The following ATP1B3 variants were observed in gnomAD, a reference collection of about 807,000 sequenced individuals.
ATP1B3 encodes ATPase Na+/K+ transporting subunit beta 3.
Under a neutral mutation model 30.2 loss-of-function variants are expected in ATP1B3, and 10 were observed. The observed-to-expected ratio is 0.33, with a 90% CI of 0.20 to 0.56. The LOEUF is 0.56. Among genes scored for constraint, ATP1B3 ranks in the 20% least tolerant of loss-of-function variants. ATP1B3 has a pLI of 0.90. For missense variants in ATP1B3, 238 were observed against 336.7 expected, an observed-to-expected ratio of 0.71 and a Z score of 2.29; for synonymous variants, 113 against 117.0, an observed-to-expected ratio of 0.97 and a Z score of 0.22.
intron 1 of ATP1B3, among the ~76,000 whole-genome samples, chr3:141,882,146 C>T (rs1007873914): frequency 2.0e-5 from 3 of 152,128 alleles, no homozygotes; most frequent in South Asian, 2.1e-4. Flanking sequence ...ATAGTAACAA[C>T]TTTTCCATGA....
chr3:141,922,097 T>C, intron 6 of ATP1B3, 34 bp downstream of exon 6: 1 of 1,318,070 alleles, frequency 7.6e-7, no homozygotes. Flanking sequence ...TGGTGATTAC[T>C]CTTTTGGGAA....
At chr3:141,916,546 G>C in intron 5 of ATP1B3, 1 of 1,288,002 alleles carries the variant, frequency 7.8e-7, no homozygotes, top group South Asian at 1.2e-5. Context: ...TGCTGCAAAT[G>C]CCACTAAGAC....
chr3:141,883,662 C>G (rs969355523), intron 1 of ATP1B3, among the ~76,000 whole-genome samples: 1 of 152,178 alleles, frequency 6.6e-6, no homozygotes, highest in Non-Finnish European at 1.5e-5. Flanking sequence ...CCTGGCCTGT[C>G]CTAGCACTTG....
chr3:141,896,415 G>T (rs1934067422), intron 1 of ATP1B3, among the ~76,000 whole-genome samples: 1 of 152,154 alleles, frequency 6.6e-6, no homozygotes, highest in Non-Finnish European at 1.5e-5. Context: ...TAGCTACTGG[G>T]GAGGCTGGGG....
At chr3:141,917,711 A>C (rs1472716306) in intron 5 of ATP1B3, among the ~76,000 whole-genome samples, 1 of 152,002 alleles carries the variant, frequency 6.6e-6, no homozygotes, top group Non-Finnish European at 1.5e-5. Flanking sequence ...AAAAAGCCAG[A>C]ATCTCACTTA....
At chr3:141,896,446 A>G (rs925127321) in intron 1 of ATP1B3, among the ~76,000 whole-genome samples, 2 of 152,184 alleles carry the variant, frequency 1.3e-5, no homozygotes, top group Non-Finnish European at 2.9e-5. Flanking sequence ...GCTTGAGCCC[A>G]GGAGTTTGAG....
chr3:141,904,391 G>C (rs1033799220), intron 2 of ATP1B3, among the ~76,000 whole-genome samples: 2 of 151,772 alleles, frequency 1.3e-5, no homozygotes, highest in African/African-American at 2.4e-5. Flanking sequence ...AGTTATGAGT[G>C]ACTTATGAGT....
At chr3:141,914,973 A>G (rs1479018730) in intron 4 of ATP1B3, among the ~76,000 whole-genome samples, 1 of 152,196 alleles carries the variant, frequency 6.6e-6, no homozygotes, top group Non-Finnish European at 1.5e-5. Context: ...TAACAAAGTA[A>G]GCTGAAAGTA....
intron 3 of ATP1B3, 44 bp downstream of exon 3, chr3:141,907,318 G>A (rs763767863): frequency 6.5e-7 from 1 of 1,528,462 alleles, no homozygotes; most frequent in African/African-American, 1.4e-5. Flanking sequence ...TTTAGTTATA[G>A]AAATTAGTAC....
At chr3:141,902,020 A>G (rs555009846) in intron 1 of ATP1B3, 3 of 762,330 alleles carry the variant, frequency 3.9e-6, no homozygotes, top group East Asian at 1.3e-4. Context: ...CTAGATCTCA[A>G]AGAATTTCTC....
chr3:141,911,842 G>T (rs1934367233), intron 3 of ATP1B3, among the ~76,000 whole-genome samples: 1 of 152,066 alleles, frequency 6.6e-6, no homozygotes, highest in Admixed American at 6.6e-5. Context: ...AGGGCTCCTT[G>T]GTTACTCTGG....
intron 2 of ATP1B3, among the ~76,000 whole-genome samples, chr3:141,906,920 T>G (rs187173258): frequency 1.2e-4 from 18 of 152,354 alleles, no homozygotes; most frequent in Non-Finnish European, 1.8e-4. Context: ...AGATTATAAT[T>G]AACTGTAGAT....
At chr3:141,904,045 A>G (rs548805067) in intron 2 of ATP1B3, among the ~76,000 whole-genome samples, 1 of 152,344 alleles carries the variant, frequency 6.6e-6, no homozygotes, top group African/African-American at 2.4e-5. Flanking sequence ...TTGGCCTCCC[A>G]AAGTGCTGGG....
chr3:141,902,875 A>G (rs764705386), intron 1 of ATP1B3: 2 of 152,022 alleles, frequency 1.3e-5, no homozygotes, highest in Non-Finnish European at 2.9e-5. Flanking sequence ...ACATTTCCTG[A>G]TATTCTTTCA....
At chr3:141,921,399 T>TA (rs5853058) in intron 5 of ATP1B3, 13,410 of 152,286 alleles carry the variant, frequency 0.088, 733 homozygotes, top group East Asian at 0.16. Context: ...TTATTCCTGA[T>TA]ACAGTATTTA....
chr3:141,908,215 C>T (rs938314260), intron 3 of ATP1B3, among the ~76,000 whole-genome samples: 7 of 151,810 alleles, frequency 4.6e-5, no homozygotes, highest in African/African-American at 9.7e-5. Flanking sequence ...TTAATACATC[C>T]GTTTTTCAAA....
intron 1 of ATP1B3, among the ~76,000 whole-genome samples, chr3:141,891,965 A>G (rs4683645): frequency 0.6 from 89,994 of 150,968 alleles, 28,326 homozygotes; most frequent in African/African-American, 0.81. Flanking sequence ...CAGTTTGGGG[A>G]CAGTGCTCCA....
intron 2 of ATP1B3, among the ~76,000 whole-genome samples, chr3:141,904,314 T>G (rs1264108189): frequency 6.6e-6 from 1 of 151,940 alleles, no homozygotes; most frequent in Non-Finnish European, 1.5e-5. Context: ...TCTTTTTTTT[T>G]TTGTCAGAAG....
At position 141,902,186 on chromosome 3, in the gene ATP1B3, TCTC is replaced by T. The variant is rs754436386; in HGVS notation, c.110-1430_110-1428del. On this transcript the variant is annotated intron_variant, in intron 1 of 6. Transcript: ENST00000286371. ...ATGCTGTCTGAAGGTGACATCCTGTTCTCCTCTCTTCTGTCCTCTCCATCCTTA... is the reference window on the plus strand; with the variant it reads ...ATGCTGTCTGAAGGTGACATCCTGTTCTCTCTTCTGTCCTCTCCATCCTTA... 2.3e-5 allele frequency: 30 copies of T among 1,289,824 alleles called. No homozygotes were observed. In the African/African-American group the frequency reaches 3.6e-4, roughly 16 times the overall value. The allele number at this position is 1,289,824 out of a possible 1,614,324, so 79.9% of individuals were successfully genotyped here.
Sources: gnomAD v4.1 joint callset for allele counts (sites outside exome capture counted in the v4.1 genomes callset) on GRCh38, gnomAD v4.1.1 for gene constraint, MANE v1.5 for transcripts, NCBI Gene and HGNC (gene_info 2026-07-23, HGNC 2026-07-21) for gene names.